The following ANKDD1B variants were observed in gnomAD, a reference collection of about 807,000 sequenced individuals.
ANKDD1B encodes the protein ankyrin repeat and death domain containing 1B.
ANKDD1B carries 57 observed loss-of-function variants against 59.7 expected under a neutral mutation model. The ratio of observed to expected loss-of-function variants is 0.95; its 90% CI spans 0.77 to 1.19. ANKDD1B has a LOEUF of 1.19. Ranked by LOEUF, ANKDD1B falls within the 50% of genes most tolerant of loss-of-function variation. ANKDD1B has a pLI of 0.00. For synonymous variants in ANKDD1B, 216 were observed against 239.5 expected (o/e 0.90, Z 0.91); for missense variants, 602 against 641.9 (o/e 0.94, Z 0.67).
In ANKDD1B at chr5:75,671,549, T is replaced by G. The variant is rs1775484686; in HGVS notation, c.*509T>G. The G allele has an allele frequency of 6.6e-6, 1 of 152,248 alleles. No individual in the cohort carries two copies. The highest frequency in any genetic ancestry group is 2.4e-5 in the African/African-American group (1 of 41,464). 9.4% of individuals were successfully genotyped at this position (152,248 alleles called of 1,614,324 possible). A position where few individuals can be genotyped will look rare whatever the true frequency, so the allele number is the denominator to read the frequency against. On this transcript the variant is annotated 3_prime_UTR_variant, in exon 14 of 14. Transcript: ENST00000601380. The stretch of plus-strand genomic sequence containing the variant: ...GGAATGAAGATGAAGGGAAAATGCC[T>G]GTGTAGCCTCACGCCCATAGTACGG...
chr5:75,613,419 G>C (rs926191044), intron 1 of ANKDD1B, among the ~76,000 whole-genome samples: 4 of 152,162 alleles, frequency 2.6e-5, no homozygotes, highest in Admixed American at 1.3e-4. Flanking sequence ...AGATAAAAGG[G>C]GATGGGATCC....
At chr5:75,639,311 C>T (rs1340291742) in intron 7 of ANKDD1B, among the ~76,000 whole-genome samples, 2 of 152,140 alleles carry the variant, frequency 1.3e-5, no homozygotes, top group Non-Finnish European at 2.9e-5. Flanking sequence ...ACTTTCCTGC[C>T]TCAGCCTCCT....
intron 10 of ANKDD1B, among the ~76,000 whole-genome samples, chr5:75,660,328 A>G (rs528713875): frequency 3.9e-5 from 6 of 152,378 alleles, no homozygotes; most frequent in African/African-American, 1.2e-4. Flanking sequence ...AGTACCTCAT[A>G]TAAGTGGAAT....
intron 10 of ANKDD1B, 48 bp downstream of exon 10, chr5:75,659,429 C>A: frequency 7.6e-7 from 1 of 1,314,186 alleles, no homozygotes; most frequent in Non-Finnish European, 1.1e-6. Flanking sequence ...TTGCTAAGAC[C>A]TTCCTGTTGG....
At chr5:75,636,446 G>T (rs1774306936) in intron 7 of ANKDD1B, among the ~76,000 whole-genome samples, 1 of 152,198 alleles carries the variant, frequency 6.6e-6, no homozygotes, top group African/African-American at 2.4e-5. Context: ...GGATAGGAGT[G>T]CTGGGAAAGC....
At chr5:75,661,396 G>GAAAA in intron 10 of ANKDD1B, among the ~76,000 whole-genome samples, 1 of 36,812 alleles carries the variant, frequency 2.7e-5, no homozygotes, top group Non-Finnish European at 5.6e-5. Flanking sequence ...AACTCCGTCT[G>GAAAA]AAAAAAAAAA....
At chr5:75,653,740 T>C (rs935323720) in intron 8 of ANKDD1B, among the ~76,000 whole-genome samples, 7 of 152,390 alleles carry the variant, frequency 4.6e-5, no homozygotes, top group Non-Finnish European at 8.8e-5. Context: ...AACATGCCTC[T>C]ATTTTTCCAC....
Position 75,611,534 on chromosome 5 carries a change from C to T in ANKDD1B, c.-101C>T. 3.0e-6 allele frequency: 3 copies of T among 995,334 alleles called. No individual in the cohort carries two copies. Among genetic ancestry groups the T allele is most frequent in the Non-Finnish European group, 3.9e-6 (3 of 773,310 alleles). The allele number at this position is 995,334 out of a possible 1,614,324, so 61.7% of individuals were successfully genotyped here. On this transcript the variant is annotated 5_prime_UTR_variant, in exon 1 of 14. Coordinates refer to ENST00000601380, the MANE Select transcript of ANKDD1B (RefSeq NM_001276713.2). ...CTGACCTGCCTGCGTCCAGCCCCCG[C>T]GCCCTGGGCCTGCCTGGGTCTGGAT...
chr5:75,654,630 C>T (rs1034104521), intron 8 of ANKDD1B, among the ~76,000 whole-genome samples: 25 of 152,018 alleles, frequency 1.6e-4, no homozygotes, highest in African/African-American at 5.3e-4. Context: ...CAGTGAATGA[C>T]GATGACTCCA....
chr5:75,635,870 T>C lies in ANKDD1B; in HGVS notation c.786T>C (p.Asn262=), dbSNP rs1774287580. ...QVLLAQWQDI[N]EMNELNISSL... Reference sequence around the variant, plus strand: ...TGCTAGCCCAGTGGCAAGACATAAATGAGATGAATGAGGTATGTGGAAGTG... The same window carrying C: ...TGCTAGCCCAGTGGCAAGACATAAACGAGATGAATGAGGTATGTGGAAGTG... The change falls in exon 7 of 14, where the codon AAT becomes AAC. Residue 262 remains asparagine, a synonymous_variant. Transcript: ENST00000601380. 10 of 1,528,726 alleles carry C rather than the reference T, an allele frequency of 6.5e-6. No individual in the cohort carries two copies. Among genetic ancestry groups the C allele is most frequent in the Non-Finnish European group, 8.8e-6 (10 of 1,140,874 alleles). The allele number at this position is 1,528,726 out of a possible 1,614,324, so 94.7% of individuals were successfully genotyped here.
intron 7 of ANKDD1B, 50 bp downstream of exon 7, chr5:75,635,932 G>A: frequency 8.4e-7 from 1 of 1,194,414 alleles, no homozygotes; most frequent in Non-Finnish European, 1.2e-6. Context: ...TGGAAGGGTT[G>A]GAGGAATGGC....
chr5:75,625,954 A>G lies in ANKDD1B; in HGVS notation c.599A>G (p.Glu200Gly). 2.0e-6 allele frequency: 3 copies of G among 1,533,482 alleles called. No individual in the cohort carries two copies. Among genetic ancestry groups the G allele is most frequent in the Non-Finnish European group, 2.6e-6 (3 of 1,144,542 alleles). The allele number at this position is 1,533,482 out of a possible 1,614,324, so 95.0% of individuals were successfully genotyped here. Residue 200 changes from glutamate (E) to glycine (G), a missense_variant and splice_region_variant, in exon 5 of 14, where the codon GAG becomes GGG. Transcript: ENST00000601380. ...LHLKDLNQPD[E>G]KGRKPFLLAA... ...CTCAAGGACCTGAACCAGCCTGATGAGGTGTGTTCACTTTGGTTGTGTAGG... is the reference window on the plus strand; with the variant it reads ...CTCAAGGACCTGAACCAGCCTGATGGGGTGTGTTCACTTTGGTTGTGTAGG...
Position 75,611,902 on chromosome 5 carries a change from A to C in ANKDD1B, c.193+75A>C, listed in dbSNP as rs1451176489. The C allele has an allele frequency of 8.6e-6, 10 of 1,167,218 alleles. No homozygotes were observed. In the South Asian group the frequency reaches 2.2e-4, roughly 25 times the overall value. The allele number at this position is 1,167,218 out of a possible 1,614,324, so 72.3% of individuals were successfully genotyped here. On this transcript the variant is annotated intron_variant, in intron 1 of 13. Coordinates refer to ENST00000601380, the MANE Select transcript of ANKDD1B (RefSeq NM_001276713.2). ...GTCGAAGGGACTTGAGAAGGTACCC[A>C]GAGCAGCACCTCCGGACGCTGCAGG...
chr5:75,648,467 G>A (rs560933266), intron 7 of ANKDD1B, among the ~76,000 whole-genome samples: 9 of 151,982 alleles, frequency 5.9e-5, no homozygotes, highest in African/African-American at 2.2e-4. Flanking sequence ...CCTTACCCTT[G>A]TCCTTAATTA....
At chr5:75,670,472 T>A (rs1424194242) in intron 13 of ANKDD1B, among the ~76,000 whole-genome samples, 2 of 152,226 alleles carry the variant, frequency 1.3e-5, no homozygotes, top group African/African-American at 4.8e-5. Context: ...TTTCAGAAAT[T>A]GATGATTCGG....
chr5:75,667,970 C>T (rs921471005), intron 12 of ANKDD1B, among the ~76,000 whole-genome samples: 3 of 152,254 alleles, frequency 2.0e-5, no homozygotes, highest in African/African-American at 7.2e-5. Context: ...GTATTGAAAA[C>T]ATTGAATACT....
chr5:75,670,856 G>A (rs1226213000), intron 13 of ANKDD1B, 123 bp from the exon 14 acceptor site: 1 of 395,620 alleles, frequency 2.5e-6, no homozygotes. Context: ...TATTAACTAG[G>A]AAAGAAAATA....
chr5:75,633,053 A>T (rs1258636437), intron 5 of ANKDD1B, among the ~76,000 whole-genome samples: 2 of 152,202 alleles, frequency 1.3e-5, no homozygotes, highest in South Asian at 2.1e-4. Flanking sequence ...CTATTTGCAG[A>T]TATTGATATA....
intron 5 of ANKDD1B, among the ~76,000 whole-genome samples, chr5:75,632,548 AGGT>A (rs947534134): frequency 2.0e-5 from 3 of 152,262 alleles, no homozygotes; most frequent in African/African-American, 4.8e-5. Context: ...GCCAAGGGAT[AGGT>A]GGTAGAAGAG....
Sources: allele counts gnomAD v4.1 joint callset (sites outside exome capture counted in the v4.1 genomes callset), GRCh38; gene constraint gnomAD v4.1.1; transcripts MANE v1.5; gene names NCBI Gene and HGNC (gene_info 2026-07-23, HGNC 2026-07-21).